Variants in ZNF682 observed in about 807,000 individuals in gnomAD.
ZNF682 encodes the protein zinc finger protein 682.
A neutral mutation model predicts 36.5 loss-of-function variants in ZNF682; 29 were observed. The observed-to-expected ratio is 0.80, with a 90% confidence interval of 0.59 to 1.08. The LOEUF (loss-of-function observed/expected upper bound fraction) is 1.08, where lower values mean the gene tolerates loss of function less well. ZNF682 is among the 50% of genes least tolerant of loss of function. ZNF682 has a pLI of 0.00. For synonymous variants in ZNF682, 180 were observed against 197.0 expected (o/e 0.91, Z 0.72); for missense variants, 561 against 579.7 (o/e 0.97, Z 0.33).
intron 1 of ZNF682, chr19:20,039,100 C>T: frequency 1.4e-6 from 2 of 1,380,810 alleles, no homozygotes; most frequent in Non-Finnish European, 1.9e-6. Flanking sequence ...GCGGCTCTTC[C>T]CAGGGTGGGC....
intron 1 of ZNF682, among the ~76,000 whole-genome samples, chr19:20,032,384 G>A (rs528320852): frequency 6.6e-6 from 1 of 152,318 alleles, no homozygotes; most frequent in East Asian, 1.9e-4. Flanking sequence ...ATTGAAAGAG[G>A]TGGAATGGTT....
At chr19:19,997,068 GAA>G (rs879659476) in exon 4 of ZNF682, 104 of 324,502 alleles carry the variant, frequency 3.2e-4, no homozygotes, top group East Asian at 4.5e-4. Context: ...ATAAGACAAG[GAA>G]AAAAAAAAAA....
chr19:19,996,445 A>G (rs1568532830), downstream of ZNF682, among the ~76,000 whole-genome samples: 1 of 152,366 alleles, frequency 6.6e-6, no homozygotes, highest in East Asian at 1.9e-4. Context: ...ATGCCCATCA[A>G]TATTGAGTGG....
intron 2 of ZNF682, 35 bp from the exon 3 acceptor site, chr19:20,023,134 T>C: frequency 6.3e-7 from 1 of 1,590,920 alleles, no homozygotes; most frequent in Non-Finnish European, 8.6e-7. Flanking sequence ...TGATTCTTGC[T>C]GGGATTCTCC....
At position 20,006,304 on chromosome 19, in the gene ZNF682, C is replaced by A. The variant is rs766147733; in HGVS notation, c.1198G>T (p.Glu400Ter). The A allele has an allele frequency of 9.3e-6, 15 of 1,613,438 alleles. No individual in the cohort carries two copies. Among genetic ancestry groups the A allele is most frequent in the Admixed American group, 1.7e-5 (1 of 59,998 alleles). Residue 400 changes from glutamate (E) to a stop codon, truncating the protein, a stop_gained, in exon 4 of 4, where the codon GAA becomes TAA. Coordinates refer to ENST00000397165, the MANE Select transcript of ZNF682 (RefSeq NM_033196.3). LOFTEE classifies it high-confidence loss of function. ...CAGTTAAAAGCTTTGCCACATTCTTCACATTTGTAGGGTTTCTCTCCAGTG... is the reference window on the plus strand; with the variant it reads ...CAGTTAAAAGCTTTGCCACATTCTTAACATTTGTAGGGTTTCTCTCCAGTG... ...IHTGEKPYKC[E>*]ECGKAFNWSS...
At chr19:20,021,942 G>A (rs1404018214) in intron 3 of ZNF682, among the ~76,000 whole-genome samples, 3 of 151,892 alleles carry the variant, frequency 2.0e-5, no homozygotes, top group Admixed American at 1.3e-4. Flanking sequence ...AGACCGAGGC[G>A]GGTGGATCAC....
intron 3 of ZNF682, among the ~76,000 whole-genome samples, chr19:20,022,195 AAAAG>A (rs1399000298): frequency 6.6e-6 from 1 of 151,564 alleles, no homozygotes; most frequent in East Asian, 1.9e-4. Context: ...TATTAAAAAA[AAAAG>A]AAAGAAAGAA....
chr19:20,009,643 C>T (rs2088264698), intron 3 of ZNF682, among the ~76,000 whole-genome samples: 1 of 152,118 alleles, frequency 6.6e-6, no homozygotes, highest in African/African-American at 2.4e-5. Flanking sequence ...GCCATATTAC[C>T]TAAAAAATGA....
chr19:20,022,973 C>T (rs1296150069), intron 3 of ZNF682, 31 bp downstream of exon 3: 1 of 1,585,638 alleles, frequency 6.3e-7, no homozygotes, highest in Admixed American at 1.7e-5. Context: ...GAGCTTTCAC[C>T]TGTGGCATGT....
downstream of ZNF682, among the ~76,000 whole-genome samples, chr19:20,002,700 T>C (rs73924153): frequency 6.0e-3 from 920 of 152,230 alleles, 8 homozygotes; most frequent in African/African-American, 0.021. Context: ...AATTATGGAG[T>C]GTGTATTACA....
At chr19:20,000,607 C>G (rs1164290926), downstream of ZNF682, among the ~76,000 whole-genome samples, 1 of 152,180 alleles carries the variant, frequency 6.6e-6, no homozygotes, top group African/African-American at 2.4e-5. Flanking sequence ...TTTTCATACC[C>G]AGGTCATGGC....
intron 1 of ZNF682, among the ~76,000 whole-genome samples, chr19:20,027,628 G>A (rs778567154): frequency 7.9e-5 from 12 of 152,076 alleles, no homozygotes; most frequent in East Asian, 1.9e-4. Flanking sequence ...GTGTGGTGGC[G>A]CATGCCTGTA....
chr19:20,012,672 G>A (rs1419767494), intron 3 of ZNF682, among the ~76,000 whole-genome samples: 2 of 151,362 alleles, frequency 1.3e-5, no homozygotes, highest in African/African-American at 4.9e-5. Context: ...GGAGGCTGAG[G>A]CAGGAGAATG....
intron 1 of ZNF682, among the ~76,000 whole-genome samples, chr19:20,026,175 C>T (rs1360403796): frequency 6.6e-6 from 1 of 151,658 alleles, no homozygotes; most frequent in Non-Finnish European, 1.5e-5. Context: ...TGGTGGTGGG[C>T]GCCTGTAGTC....
chr19:19,996,583 G>A (rs546316491), downstream of ZNF682, among the ~76,000 whole-genome samples: 2 of 152,156 alleles, frequency 1.3e-5, no homozygotes, highest in African/African-American at 4.8e-5. Flanking sequence ...ACTCAGAAAT[G>A]ATAAACCAAA....
intron 2 of ZNF682, among the ~76,000 whole-genome samples, chr19:20,023,739 C>T (rs970539388): frequency 2.0e-5 from 3 of 151,800 alleles, no homozygotes; most frequent in Non-Finnish European, 4.4e-5. Context: ...CCCAACACTT[C>T]GGGAGGCCAA....
At chr19:20,000,962 C>T (rs1599598972), downstream of ZNF682, among the ~76,000 whole-genome samples, 2 of 152,136 alleles carry the variant, frequency 1.3e-5, no homozygotes, top group African/African-American at 4.8e-5. Context: ...GTCTCTATAG[C>T]TAGGAACCTG....
At chr19:20,019,840 C>A (rs1425149836) in intron 3 of ZNF682, among the ~76,000 whole-genome samples, 4 of 151,378 alleles carry the variant, frequency 2.6e-5, no homozygotes, top group African/African-American at 9.7e-5. Flanking sequence ...TGATGTATAC[C>A]CTAAAAGCAC....
At chr19:19,996,893 A>G (rs2088131571), downstream of ZNF682, among the ~76,000 whole-genome samples, 1 of 152,144 alleles carries the variant, frequency 6.6e-6, no homozygotes, top group East Asian at 1.9e-4. Flanking sequence ...AAGAGGCTGG[A>G]AATTAGAGCC....
Sources: allele counts gnomAD v4.1 joint callset (sites outside exome capture counted in the v4.1 genomes callset), GRCh38; gene constraint gnomAD v4.1.1; transcripts MANE v1.5; gene names NCBI Gene and HGNC (gene_info 2026-07-23, HGNC 2026-07-21).